PAPPA: variants seen among roughly 807,000 people sequenced by gnomAD.
PAPPA encodes pappalysin 1.
PAPPA carries 60 observed loss-of-function variants against 164.0 expected under a neutral mutation model. That is an observed-to-expected ratio of 0.37 (90% CI 0.30 to 0.45). PAPPA has a LOEUF of 0.45. Among genes scored for constraint, PAPPA ranks in the 20% least tolerant of loss-of-function variants. The probability of loss-of-function intolerance (pLI) is 1.00; values close to 1 mark genes in which losing one functional copy is unlikely to be tolerated. For missense variants in PAPPA, 1,782 were observed against 2,087.3 expected (o/e 0.85, Z 2.85); for synonymous variants, 875 against 814.1 (o/e 1.07, Z -1.27).
At chr9:116,306,814 TACC>T (rs1470939902) in intron 10 of PAPPA, among the ~76,000 whole-genome samples, 1 of 152,184 alleles carries the variant, frequency 6.6e-6, no homozygotes, top group African/African-American at 2.4e-5. Context: ...CCAGCATTTC[TACC>T]AAAGTCTGTT....
intron 1 of PAPPA, among the ~76,000 whole-genome samples, chr9:116,174,239 C>T (rs913716317): frequency 2.0e-5 from 3 of 152,150 alleles, no homozygotes; most frequent in Non-Finnish European, 4.4e-5. Flanking sequence ...TTCTGGAGGG[C>T]ACCAGCCCTG....
At chr9:116,216,543 A>G (rs1844373806) in intron 4 of PAPPA, among the ~76,000 whole-genome samples, 1 of 152,160 alleles carries the variant, frequency 6.6e-6, no homozygotes, top group Non-Finnish European at 1.5e-5. Context: ...CCACTCCTGG[A>G]GACCAGATGA....
chr9:116,235,912 T>G (rs941095376), intron 7 of PAPPA, among the ~76,000 whole-genome samples: 1 of 152,214 alleles, frequency 6.6e-6, no homozygotes, highest in Non-Finnish European at 1.5e-5. Context: ...GTCATTCCAA[T>G]AGTAAATGAA....
At chr9:116,253,830 T>TA (rs1232183543) in intron 7 of PAPPA, among the ~76,000 whole-genome samples, 1 of 152,210 alleles carries the variant, frequency 6.6e-6, no homozygotes, top group Admixed American at 6.5e-5. Context: ...AAATAGAATA[T>TA]AAAAATATCT....
At chr9:116,169,681 A>G (rs975142942) in intron 1 of PAPPA, among the ~76,000 whole-genome samples, 2 of 151,514 alleles carry the variant, frequency 1.3e-5, no homozygotes, top group African/African-American at 4.9e-5. Flanking sequence ...GGATGTGTCC[A>G]TGCTCCTCCT....
Position 116,289,293 on chromosome 9 carries a change from C to T in PAPPA, c.2954-13464C>T, listed in dbSNP as rs554562330. The stretch of plus-strand genomic sequence containing the variant: ...TAGCATATATATAGCATATAAATAG[C>T]ATATATATAGCATATATATGGCATA... On this transcript the variant is annotated intron_variant, in intron 9 of 21. Coordinates refer to ENST00000328252, the MANE Select transcript of PAPPA (RefSeq NM_002581.5). 5.5e-4 allele frequency among the ~76,000 whole-genome samples: 70 copies of T among 126,736 alleles called. 1 individual carries two copies. The highest frequency in any genetic ancestry group is 2.0e-3 in the African/African-American group (68 of 33,430). 83.1% of individuals were successfully genotyped at this position (126,736 alleles called of 152,430 possible). A position where few individuals can be genotyped will look rare whatever the true frequency, so the allele number is the denominator to read the frequency against.
At chr9:116,155,417 AT>A (rs1362541228) in intron 1 of PAPPA, among the ~76,000 whole-genome samples, 13 of 152,254 alleles carry the variant, frequency 8.5e-5, no homozygotes, top group African/African-American at 2.9e-4. Context: ...TCCAGCATCC[AT>A]TTTCCCCCCT....
chr9:116,192,779 G>T (rs1478133740), intron 2 of PAPPA, among the ~76,000 whole-genome samples: 1 of 152,206 alleles, frequency 6.6e-6, no homozygotes, highest in Non-Finnish European at 1.5e-5. Context: ...AGCCATTAGA[G>T]ATGTCTCCAC....
intron 5 of PAPPA, 91 bp from the exon 6 acceptor site, chr9:116,227,340 C>T: frequency 7.4e-7 from 1 of 1,347,018 alleles, no homozygotes; most frequent in Non-Finnish European, 1.1e-6. Flanking sequence ...TTGTTGTGTC[C>T]TCTGCCCCAT....
Position 116,227,467 on chromosome 9 carries a change from G to A in PAPPA, c.2148G>A (p.Gly716=). ...CAGCATGTCATCTTTGCCTGGAAGG[G>A]AGAATCCTGGTGCAGTATGCTTCCA... is the stretch of plus-strand genomic sequence containing the variant. ...LGSACHLCLE[G]RILVQYASNA... is the part of the protein sequence containing the mutation. The change falls in exon 6 of 22, where the codon GGG becomes GGA. Residue 716 remains glycine, a synonymous_variant. Transcript: ENST00000328252. 6.2e-7 allele frequency: 1 copy of A among 1,614,042 alleles called. No individual in the cohort carries two copies. The highest frequency in any genetic ancestry group is 1.1e-5 in the South Asian group (1 of 91,066).
intron 1 of PAPPA, among the ~76,000 whole-genome samples, chr9:116,179,171 G>A (rs3789274): frequency 0.017 from 2,612 of 152,220 alleles, 84 homozygotes; most frequent in African/African-American, 0.06. Context: ...GAAAACTAAG[G>A]TTCAGAGAGG....
chr9:116,177,754 C>T (rs1263938924), intron 1 of PAPPA, among the ~76,000 whole-genome samples: 1 of 152,154 alleles, frequency 6.6e-6, no homozygotes, highest in African/African-American at 2.4e-5. Context: ...TCCAAGACAG[C>T]CCCAACATCA....
At chr9:116,368,645 C>T (rs533586078) in intron 19 of PAPPA, among the ~76,000 whole-genome samples, 3 of 152,184 alleles carry the variant, frequency 2.0e-5, no homozygotes, top group Non-Finnish European at 4.4e-5. Flanking sequence ...AGGTCCCAGG[C>T]CTTATGTGTC....
intron 13 of PAPPA, among the ~76,000 whole-genome samples, chr9:116,341,021 A>ATT (rs1054305845): frequency 2.0e-5 from 3 of 150,024 alleles, no homozygotes; most frequent in African/African-American, 7.4e-5. Flanking sequence ...TTTTATTTTT[A>ATT]TTTTTTTGTT....
intron 5 of PAPPA, among the ~76,000 whole-genome samples, chr9:116,225,806 TATCC>T (rs376275323): frequency 0.026 from 3,963 of 151,378 alleles, 103 homozygotes; most frequent in African/African-American, 0.072. Flanking sequence ...AAGTGACTGG[TATCC>T]ATCCATCCAT....
intron 2 of PAPPA, among the ~76,000 whole-genome samples, chr9:116,206,655 T>C (rs1338584090): frequency 6.6e-6 from 1 of 152,112 alleles, no homozygotes; most frequent in Non-Finnish European, 1.5e-5. Context: ...GTGTGTATTA[T>C]GTAATAGAAA....
chr9:116,336,494 G>C (rs541715148), intron 13 of PAPPA, among the ~76,000 whole-genome samples: 1 of 152,230 alleles, frequency 6.6e-6, no homozygotes, highest in South Asian at 2.1e-4. Flanking sequence ...TCAGAGCCTA[G>C]GGAAACCATG....
At chr9:116,258,580 C>T (rs975203162) in intron 7 of PAPPA, among the ~76,000 whole-genome samples, 7 of 151,452 alleles carry the variant, frequency 4.6e-5, no homozygotes, top group Admixed American at 3.3e-4. Flanking sequence ...CCCTTGAACC[C>T]GGGAGGCGGA....
intron 4 of PAPPA, among the ~76,000 whole-genome samples, chr9:116,218,891 C>T (rs973168999): frequency 3.3e-5 from 5 of 152,136 alleles, no homozygotes; most frequent in South Asian, 2.1e-4. Flanking sequence ...AATAGTAGTG[C>T]GTACTCCAAA....
Sources: allele counts gnomAD v4.1 joint callset (sites outside exome capture counted in the v4.1 genomes callset), GRCh38; gene constraint gnomAD v4.1.1; transcripts MANE v1.5; gene names NCBI Gene and HGNC (gene_info 2026-07-23, HGNC 2026-07-21).